ASTN2: variants seen among roughly 807,000 people sequenced by gnomAD.
The protein encoded by ASTN2 is astrotactin 2.
A neutral mutation model predicts 139.8 loss-of-function variants in ASTN2; 54 were observed. That is an observed-to-expected ratio of 0.39 (90% CI 0.31 to 0.48). The LOEUF (loss-of-function observed/expected upper bound fraction) is 0.48, where lower values mean the gene tolerates loss of function less well. Ranked by LOEUF, ASTN2 falls within the 20% of genes least tolerant of loss-of-function variation. The pLI is 0.95. For missense variants in ASTN2, 1,565 were observed against 1,725.1 expected (o/e 0.91, Z 1.64); for synonymous variants, 756 against 719.5 (o/e 1.05, Z -0.81).
chr9:117,378,399 G>A (rs1302844826), intron 1 of ASTN2, among the ~76,000 whole-genome samples: 1 of 152,168 alleles, frequency 6.6e-6, no homozygotes, highest in Non-Finnish European at 1.5e-5. Context: ...AATGTGTTGT[G>A]GTGGTCTTGT....
At chr9:117,209,672 A>T (rs1457002046) in intron 3 of ASTN2, among the ~76,000 whole-genome samples, 1 of 152,118 alleles carries the variant, frequency 6.6e-6, no homozygotes, top group Admixed American at 6.5e-5. Context: ...ACAAAGAAAG[A>T]TCATATTTAA....
At chr9:117,383,916 CA>C (rs1830331495) in intron 1 of ASTN2, among the ~76,000 whole-genome samples, 2 of 152,198 alleles carry the variant, frequency 1.3e-5, no homozygotes, top group Non-Finnish European at 2.9e-5. Flanking sequence ...CATATTGTAA[CA>C]ATGGCTTTTA....
At chr9:116,792,921 T>C (rs1047015313) in intron 13 of ASTN2, among the ~76,000 whole-genome samples, 1 of 151,832 alleles carries the variant, frequency 6.6e-6, no homozygotes, top group African/African-American at 2.4e-5. Context: ...GACATAAAGA[T>C]GGGAATAGCA....
At chr9:116,982,859 T>C (rs903151662) in intron 7 of ASTN2, among the ~76,000 whole-genome samples, 1 of 152,178 alleles carries the variant, frequency 6.6e-6, no homozygotes, top group Non-Finnish European at 1.5e-5. Context: ...TACGAAGACA[T>C]GTTGCCTGTG....
chr9:117,230,164 G>C (rs1239817050), intron 2 of ASTN2, among the ~76,000 whole-genome samples: 1 of 146,592 alleles, frequency 6.8e-6, no homozygotes, highest in East Asian at 2.0e-4. Context: ...TGGAATCTGG[G>C]TGTGTGAATT....
At chr9:117,380,361 C>T (rs749810159) in intron 1 of ASTN2, among the ~76,000 whole-genome samples, 14 of 152,068 alleles carry the variant, frequency 9.2e-5, no homozygotes, top group Non-Finnish European at 2.1e-4. Flanking sequence ...AATCCCAGCA[C>T]TTTGGGAGGC....
intron 11 of ASTN2, among the ~76,000 whole-genome samples, chr9:116,838,032 C>G (rs896084413): frequency 2.0e-5 from 3 of 151,968 alleles, no homozygotes; most frequent in Non-Finnish European, 4.4e-5. Context: ...CAGGCAAACA[C>G]TAGCAGGCCC....
At chr9:116,453,593 CAAAAAAAA>C (rs386416019) in intron 20 of ASTN2, among the ~76,000 whole-genome samples, 16 of 58,794 alleles carry the variant, frequency 2.7e-4, no homozygotes, top group South Asian at 1.3e-3. Context: ...GACTCCGTCT[CAAAAAAAA>C]AAAAAAAAAA....
chr9:117,010,100 A>G (rs115767465), intron 6 of ASTN2, among the ~76,000 whole-genome samples: 2,102 of 152,294 alleles, frequency 0.014, 46 homozygotes, highest in African/African-American at 0.047. Context: ...TAGGAGGAAT[A>G]GACAGTATCA....
At chr9:116,654,487 A>G (rs1336309948) in intron 16 of ASTN2, among the ~76,000 whole-genome samples, 1 of 152,234 alleles carries the variant, frequency 6.6e-6, no homozygotes, top group Non-Finnish European at 1.5e-5. Context: ...TGCACCATCA[A>G]TATACTTAGA....
intron 22 of ASTN2, among the ~76,000 whole-genome samples, chr9:116,432,026 C>G (rs1230232713): frequency 6.6e-6 from 1 of 152,158 alleles, no homozygotes. Context: ...AAGGGGTGTA[C>G]TACAGTGGGA....
At chr9:117,303,186 G>A (rs544547049) in intron 1 of ASTN2, among the ~76,000 whole-genome samples, 3 of 152,062 alleles carry the variant, frequency 2.0e-5, no homozygotes, top group Non-Finnish European at 2.9e-5. Context: ...AGAGTCTTCT[G>A]GACCAGGAAT....
In ASTN2 at chr9:116,886,507, G is replaced by A. The variant is rs575463658; in HGVS notation, c.1890-22774C>T. ...CTACCTCGGCCTCTGGAATAGCTGG[G>A]ACTACAGGCATGTGCCACTACACCT... On this transcript the variant is annotated intron_variant, in intron 10 of 22. Transcript: ENST00000313400. Among the ~76,000 whole-genome samples the A allele has an allele frequency of 3.3e-4, 50 of 151,066 alleles. 1 individual carries two copies. Among genetic ancestry groups the A allele is most frequent in the African/African-American group, 1.2e-3 (50 of 41,080 alleles).
intron 19 of ASTN2, among the ~76,000 whole-genome samples, chr9:116,572,845 G>T (rs1853575140): frequency 6.6e-6 from 1 of 152,172 alleles, no homozygotes; most frequent in Non-Finnish European, 1.5e-5. Flanking sequence ...GTTTCTAGGG[G>T]ATTTAACAGA....
In ASTN2 at chr9:117,251,055, G is replaced by A. The variant is rs146005900; in HGVS notation, c.631-36313C>T. On this transcript the variant is annotated intron_variant, in intron 2 of 22. Transcript: ENST00000313400. ...ATCAAGAACAAGAAGGAGTGGGAGC[G>A]CAAATGGTTCTATGAGTGAAGCTGA... Among the ~76,000 whole-genome samples the A allele has an allele frequency of 2.5e-4, 38 of 152,220 alleles. 1 individual carries two copies. The highest frequency in any genetic ancestry group is 7.7e-4 in the African/African-American group (32 of 41,524).
chr9:116,809,090 A>G (rs1831101319), intron 12 of ASTN2, among the ~76,000 whole-genome samples: 1 of 151,916 alleles, frequency 6.6e-6, no homozygotes, highest in Non-Finnish European at 1.5e-5. Context: ...CTGTGCTTGT[A>G]TTTTAATCTT....
In ASTN2 at chr9:117,311,544, C is replaced by A. The variant is rs1587936402; in HGVS notation, c.443-20031G>T. 2.0e-5 allele frequency among the ~76,000 whole-genome samples: 3 copies of A among 152,084 alleles called. No individual in the cohort carries two copies. The South Asian group carries it at 6.2e-4, about 32-fold the overall frequency. On this transcript the variant is annotated intron_variant, in intron 1 of 22. Transcript: ENST00000313400. Reference sequence around the variant, plus strand: ...AGCATCAGAGTCTCATCTATCGAACCCTTTGTTTTACAGATGCAGAAAGTG... The same window carrying A: ...AGCATCAGAGTCTCATCTATCGAACACTTTGTTTTACAGATGCAGAAAGTG...
chr9:116,692,494 C>A (rs143913303), intron 16 of ASTN2, among the ~76,000 whole-genome samples: 48 of 152,314 alleles, frequency 3.2e-4, no homozygotes, highest in African/African-American at 1.1e-3. Flanking sequence ...TTAATCTTTG[C>A]AATAACTTTG....
chr9:116,809,085 C>T (rs759822694), intron 12 of ASTN2, among the ~76,000 whole-genome samples: 4 of 151,898 alleles, frequency 2.6e-5, no homozygotes, highest in Non-Finnish European at 4.4e-5. Flanking sequence ...CCAGTCTGTG[C>T]TTGTATTTTA....
Sources: allele counts gnomAD v4.1 joint callset (sites outside exome capture counted in the v4.1 genomes callset), GRCh38; gene constraint gnomAD v4.1.1; transcripts MANE v1.5; gene names NCBI Gene and HGNC (gene_info 2026-07-23, HGNC 2026-07-21).